Variants in TSPAN9 observed in about 807,000 individuals in gnomAD.
TSPAN9 encodes tetraspanin 9.
TSPAN9 carries 16 observed loss-of-function variants against 31.0 expected under a neutral mutation model. That is an observed-to-expected ratio of 0.52 (90% CI 0.35 to 0.78). The LOEUF (loss-of-function observed/expected upper bound fraction) is 0.78, where lower values mean the gene tolerates loss of function less well. Ranked by LOEUF, TSPAN9 falls within the 30% of genes least tolerant of loss-of-function variation. The pLI is 0.01. For synonymous variants in TSPAN9, 145 were observed against 121.6 expected (o/e 1.19, Z -1.27); for missense variants, 272 against 312.5 (o/e 0.87, Z 0.98).
chr12:3,100,544 C>A (rs753049097), intron 2 of TSPAN9, among the ~76,000 whole-genome samples: 3 of 152,164 alleles, frequency 2.0e-5, no homozygotes, highest in African/African-American at 7.2e-5. Flanking sequence ...TTGCCTGTTG[C>A]CCGATGTCTG....
intron 3 of TSPAN9, among the ~76,000 whole-genome samples, chr12:3,225,132 C>T (rs1341979501): frequency 1.3e-5 from 2 of 152,166 alleles, no homozygotes; most frequent in Admixed American, 1.3e-4. Flanking sequence ...GTGGTCCGAG[C>T]TGGGTTGGAG....
intron 2 of TSPAN9, among the ~76,000 whole-genome samples, chr12:3,109,189 G>A (rs566791493): frequency 1.3e-3 from 199 of 151,532 alleles, no homozygotes; most frequent in African/African-American, 4.6e-3. Context: ...GCCCGCCTTG[G>A]CCTCCCAGAG....
chr12:3,163,678 G>A (rs1195428128), intron 2 of TSPAN9, among the ~76,000 whole-genome samples: 1 of 152,202 alleles, frequency 6.6e-6, no homozygotes, highest in Non-Finnish European at 1.5e-5. Flanking sequence ...AGAGACAGAT[G>A]TCAGCGTGTG....
chr12:3,281,681 C>T (rs575562899), intron 7 of TSPAN9, 53 bp from the exon 8 acceptor site: 3 of 1,570,140 alleles, frequency 1.9e-6, no homozygotes, highest in South Asian at 2.3e-5. Flanking sequence ...GGCTGGGCTG[C>T]AGGGAGCGCA....
intron 3 of TSPAN9, among the ~76,000 whole-genome samples, chr12:3,201,931 AC>A (rs2098372124): frequency 6.6e-6 from 1 of 152,128 alleles, no homozygotes; most frequent in African/African-American, 2.4e-5. Flanking sequence ...ATTGCAGTGG[AC>A]CGGGCAGGGA....
At chr12:3,127,111 A>G (rs568962385) in intron 2 of TSPAN9, among the ~76,000 whole-genome samples, 7 of 150,882 alleles carry the variant, frequency 4.6e-5, no homozygotes, top group African/African-American at 1.7e-4. Context: ...TTATATAAAT[A>G]TTTTTCTGGC....
In TSPAN9 at chr12:3,096,060, G is replaced by A. The variant is rs182546005; in HGVS notation, c.-18+12341G>A. Among the ~76,000 whole-genome samples, 1,214 of 151,774 alleles carry A rather than the reference G, an allele frequency of 8.0e-3. 15 individuals are homozygous for A. The highest frequency in any genetic ancestry group is 0.027 in the African/African-American group (1,132 of 41,206). On this transcript the variant is annotated intron_variant, in intron 2 of 8. Coordinates refer to ENST00000011898, the MANE Select transcript of TSPAN9 (RefSeq NM_006675.5). ...CTGCCTCCCGGGCGGCGCTCCCGGCGCGGCGGCAAAGACTGAGACAGCTCC... is the reference window on the plus strand; with the variant it reads ...CTGCCTCCCGGGCGGCGCTCCCGGCACGGCGGCAAAGACTGAGACAGCTCC...
intron 2 of TSPAN9, chr12:3,173,129 G>A (rs1424409306): frequency 1.3e-5 from 2 of 152,646 alleles, no homozygotes; most frequent in East Asian, 1.9e-4. Context: ...TGACCTGGTC[G>A]GCTGTGCCTG....
chr12:3,186,213 C>T (rs751880016), intron 2 of TSPAN9, among the ~76,000 whole-genome samples: 5 of 152,222 alleles, frequency 3.3e-5, no homozygotes, highest in Non-Finnish European at 5.9e-5. Flanking sequence ...AGAGACCTTT[C>T]CCAGGCATTC....
At chr12:3,278,671 C>A in intron 4 of TSPAN9, 59 bp downstream of exon 4, 1 of 1,573,586 alleles carries the variant, frequency 6.4e-7, no homozygotes, top group African/African-American at 1.4e-5. Flanking sequence ...ACTTGGACCC[C>A]TGGGACAGGC....
At position 3,281,290 on chromosome 12, in the gene TSPAN9, G is replaced by A. The variant is rs1456023094; in HGVS notation, c.525G>A (p.Gln175=). The A allele has an allele frequency of 1.8e-5, 28 of 1,551,174 alleles. No individual in the cohort carries two copies. The highest frequency in any genetic ancestry group is 1.2e-4 in the East Asian group (5 of 40,918). ...VPDRCCMENS[Q]GCGRNATTPL... ...ACCGCTGCTGCATGGAGAACTCCCA[G>A]GGCTGCGGGCGCAACGCCACCACGC... The change falls in exon 7 of 9, where the codon CAG becomes CAA. Residue 175 remains glutamine, a synonymous_variant. Transcript: ENST00000011898.
intron 3 of TSPAN9, among the ~76,000 whole-genome samples, chr12:3,229,855 A>G (rs115921621): frequency 0.016 from 2,401 of 152,288 alleles, 61 homozygotes; most frequent in African/African-American, 0.054. Flanking sequence ...GCATGGTTGC[A>G]CCAGCTTCCG....
intron 3 of TSPAN9, among the ~76,000 whole-genome samples, chr12:3,277,521 A>C (rs1051197271): frequency 6.6e-6 from 1 of 152,250 alleles, no homozygotes; most frequent in Non-Finnish European, 1.5e-5. Flanking sequence ...GGCACACTGC[A>C]TGCTGTAGGC....
intron 1 of TSPAN9, among the ~76,000 whole-genome samples, chr12:3,080,678 AC>A (rs1290486211): frequency 6.6e-6 from 1 of 152,228 alleles, no homozygotes; most frequent in Non-Finnish European, 1.5e-5. Flanking sequence ...TCTTAAATGT[AC>A]AGTTCAGTAG....
At chr12:3,128,709 A>G (rs1193085650) in intron 2 of TSPAN9, among the ~76,000 whole-genome samples, 1 of 152,220 alleles carries the variant, frequency 6.6e-6, no homozygotes, top group Non-Finnish European at 1.5e-5. Flanking sequence ...AGGAAAGACT[A>G]AACACTTTGA....
chr12:3,094,580 A>G (rs2098306860), intron 2 of TSPAN9, among the ~76,000 whole-genome samples: 1 of 146,896 alleles, frequency 6.8e-6, no homozygotes, highest in South Asian at 2.1e-4. Context: ...CTTGTTGTCC[A>G]GGCTGCAGTG....
chr12:3,154,318 T>C (rs1282537393), intron 2 of TSPAN9, among the ~76,000 whole-genome samples: 3 of 152,216 alleles, frequency 2.0e-5, no homozygotes, highest in Non-Finnish European at 4.4e-5. Flanking sequence ...ATTTTTATCC[T>C]ATCTCCAGCT....
chr12:3,078,278 A>G (rs2098296143), intron 1 of TSPAN9, among the ~76,000 whole-genome samples: 1 of 152,176 alleles, frequency 6.6e-6, no homozygotes, highest in Non-Finnish European at 1.5e-5. Flanking sequence ...CTCTTAGTTC[A>G]GAGACCCAGT....
At chr12:3,210,329 G>C (rs2098377968) in intron 3 of TSPAN9, among the ~76,000 whole-genome samples, 1 of 152,130 alleles carries the variant, frequency 6.6e-6, no homozygotes, top group South Asian at 2.1e-4. Context: ...CCAGTGGAGA[G>C]TCAATGGGGA....
Sources: gnomAD v4.1 joint callset for allele counts (sites outside exome capture counted in the v4.1 genomes callset) on GRCh38, gnomAD v4.1.1 for gene constraint, MANE v1.5 for transcripts, NCBI Gene and HGNC (gene_info 2026-07-23, HGNC 2026-07-21) for gene names.